The following DSG4 variants were observed in gnomAD, a reference collection of about 807,000 sequenced individuals.
The protein encoded by DSG4 is desmoglein-4.
DSG4 carries 87 observed loss-of-function variants against 93.1 expected under a neutral mutation model. The observed-to-expected ratio is 0.93, with a 90% confidence interval of 0.79 to 1.12. The LOEUF (loss-of-function observed/expected upper bound fraction) is 1.12, where lower values mean the gene tolerates loss of function less well. Among genes scored for constraint, DSG4 ranks in the 50% most tolerant of loss-of-function variants. DSG4 has a pLI of 0.00. For missense variants in DSG4, 1,373 were observed against 1,285.7 expected, an observed-to-expected ratio of 1.07 and a Z score of -1.04; for synonymous variants, 432 against 452.9, an observed-to-expected ratio of 0.95 and a Z score of 0.59.
chr18:31,378,975 A>G (rs2072105920), intron 1 of DSG4, among the ~76,000 whole-genome samples: 2 of 152,102 alleles, frequency 1.3e-5, no homozygotes, highest in African/African-American at 2.4e-5. Context: ...CCTCTCAGAG[A>G]CTCACAGGTA....
intron 10 of DSG4, 133 bp downstream of exon 10, chr18:31,401,153 C>A: frequency 3.0e-6 from 2 of 660,418 alleles, no homozygotes; most frequent in Non-Finnish European, 4.7e-6. Flanking sequence ...AAGCCCTAAA[C>A]ACCTTAAATC....
intron 5 of DSG4, among the ~76,000 whole-genome samples, chr18:31,389,684 A>G (rs2072227592): frequency 6.6e-6 from 1 of 152,090 alleles, no homozygotes; most frequent in Non-Finnish European, 1.5e-5. Flanking sequence ...CATGAATATC[A>G]GTTTGTTCCC....
At position 31,389,025 on chromosome 18, in the gene DSG4, A is replaced by T. The variant is rs1268612950; in HGVS notation, c.517+7A>T. ...GAAGAAAATAGTGATGCCAGTAAGT[A>T]GAATGACATTCCTTCTCTACGTCAC... On this transcript the variant is annotated splice_region_variant and intron_variant, in intron 5 of 15. Coordinates refer to ENST00000308128, the MANE Select transcript of DSG4 (RefSeq NM_177986.5). 6.2e-7 allele frequency: 1 copy of T among 1,612,868 alleles called. No homozygotes were observed. The highest frequency in any genetic ancestry group is 2.2e-5 in the East Asian group (1 of 44,836).
chr18:31,377,949 T>C (rs559593356), intron 1 of DSG4, among the ~76,000 whole-genome samples: 1 of 152,290 alleles, frequency 6.6e-6, no homozygotes, highest in East Asian at 1.9e-4. Flanking sequence ...GAACATCAGT[T>C]GTAAGAGACA....
rs1470899309 is a variant in DSG4, at chr18:31,399,456, GA to G, written c.1192del (p.Ile398Ter). On this transcript the variant is annotated frameshift_variant, in exon 9 of 16. Transcript: ENST00000308128. LOFTEE classifies it high-confidence loss of function. ...ACTATGGCTTTTAGTGTGCGGGAAG[GA>G]ATAAAAGGAAGTTCCTTATTGAATT... ...PSTMAFSVRE[G>X]IKGSSLLNYV... 1 of 1,613,904 alleles carries G rather than the reference GA, an allele frequency of 6.2e-7. No individual in the cohort carries two copies. Among genetic ancestry groups the G allele is most frequent in the Non-Finnish European group, 8.5e-7 (1 of 1,179,974 alleles).
chr18:31,378,197 CTT>C (rs922772073), intron 1 of DSG4, among the ~76,000 whole-genome samples: 20 of 152,250 alleles, frequency 1.3e-4, no homozygotes, highest in African/African-American at 4.8e-4. Context: ...TATTTTTAAA[CTT>C]AAAAACATAA....
chr18:31,391,921 G>C (rs2072254207), intron 7 of DSG4, among the ~76,000 whole-genome samples: 1 of 151,930 alleles, frequency 6.6e-6, no homozygotes. Flanking sequence ...AAATAAAAGA[G>C]AAAGGAACAA....
Position 31,387,552 on chromosome 18 carries a change from T to C in DSG4, c.216+733T>C, listed in dbSNP as rs572998182. ...AAATTATTATTTCCATTCAACTCAG[T>C]AATTGCTTTATGTTATTCCACTTAT... is the stretch of plus-strand genomic sequence containing the variant. On this transcript the variant is annotated intron_variant, in intron 3 of 15. Coordinates refer to ENST00000308128, the MANE Select transcript of DSG4 (RefSeq NM_177986.5). Among the ~76,000 whole-genome samples, 40 of 152,320 alleles carry C rather than the reference T, an allele frequency of 2.6e-4. No homozygotes were observed. The South Asian group carries it at 8.1e-3, about 31-fold the overall frequency.
At position 31,411,436 on chromosome 18, in the gene DSG4, C is replaced by G. The variant is rs577411285; in HGVS notation, c.2343C>G (p.Ser781Arg). The change falls in exon 15 of 16, where the codon AGC becomes AGG. Residue 781 changes from serine (S) to arginine (R), a missense_variant. Ser to Arg is a moderately radical substitution (Grantham distance 110). Coordinates refer to ENST00000308128, the MANE Select transcript of DSG4 (RefSeq NM_177986.5). The part of the protein sequence containing the change: ...DADINMAFLD[S>R]YFSEKAYAYA... ...ACATCAACATGGCTTTCTTGGACAG[C>G]TACTTCTCGGAGGTAATGCCCTCAC... The G allele has an allele frequency of 1.4e-5, 22 of 1,613,894 alleles. No individual in the cohort carries two copies. In the South Asian group the frequency reaches 2.4e-4, roughly 18 times the overall value.
intron 11 of DSG4, among the ~76,000 whole-genome samples, 175 bp from the exon 12 acceptor site, chr18:31,405,902 T>TAAG (rs1195507147): frequency 2.0e-5 from 3 of 151,316 alleles, no homozygotes; most frequent in African/African-American, 7.3e-5. Context: ...ACAAGAATAA[T>TAAG]AATAATAATA....
intron 5 of DSG4, 31 bp downstream of exon 5, chr18:31,389,049 A>C: frequency 6.2e-7 from 1 of 1,609,908 alleles, no homozygotes; most frequent in Non-Finnish European, 8.5e-7. Context: ...TCTCTACGTC[A>C]CAGCATATCT....
At position 31,388,269 on chromosome 18, in the gene DSG4, C is replaced by T. The variant is rs150084716; in HGVS notation, c.217-98C>T. ...CATGGTGTCAGGTTTCAATCCAAAG[C>T]CCATTTGGTAAAGAAACCCACTCCC... On this transcript the variant is annotated intron_variant, in intron 3 of 15. Coordinates refer to ENST00000308128, the MANE Select transcript of DSG4 (RefSeq NM_177986.5). The T allele has an allele frequency of 6.0e-4, 830 of 1,382,094 alleles. 7 individuals are homozygous for T. In the African/African-American group the frequency reaches 0.011, roughly 18 times the overall value. 85.6% of individuals were successfully genotyped at this position (1,382,094 alleles called of 1,614,324 possible).
At position 31,403,572 on chromosome 18, in the gene DSG4, C is replaced by T. The variant is rs1168255565; in HGVS notation, c.1574C>T (p.Thr525Ile). 5 of 1,613,910 alleles carry T rather than the reference C, an allele frequency of 3.1e-6. No homozygotes were observed. In the African/African-American group the frequency reaches 4.0e-5, roughly 13 times the overall value. The change falls in exon 11 of 16, where the codon ACT becomes ATT. Residue 525 changes from threonine to isoleucine, a missense_variant. Transcript: ENST00000308128. ...VNEHSYGSPF[T>I]FCVVDEPPGI... ...GAACATTCTTATGGGTCTCCGTTTACTTTCTGTGTTGTTGATGAGCCACCA... is the reference window on the plus strand; with the variant it reads ...GAACATTCTTATGGGTCTCCGTTTATTTTCTGTGTTGTTGATGAGCCACCA...
chr18:31,400,734 A>C, intron 9 of DSG4, 147 bp from the exon 10 acceptor site: 1 of 725,952 alleles, frequency 1.4e-6, no homozygotes, highest in Non-Finnish European at 2.2e-6. Flanking sequence ...TTTTATTGAT[A>C]TATATGTACT....
In DSG4 at chr18:31,413,185, A is replaced by G; in HGVS notation, c.2713A>G (p.Ile905Val). 1 of 1,614,138 alleles carries G rather than the reference A, an allele frequency of 6.2e-7. No homozygotes were observed. Among genetic ancestry groups the G allele is most frequent in the Non-Finnish European group, 8.5e-7 (1 of 1,180,026 alleles). The change falls in exon 16 of 16, where the codon ATT becomes GTT. Residue 905 changes from isoleucine to valine, a missense_variant. By Grantham distance (29) the Ile-to-Val change is conservative. Transcript: ENST00000308128. Reference sequence around the variant, plus strand: ...ATCTGAACCCGTGGTCCATGGGGATATTATTGTGACTGAGACTTACGGTAA... The same window carrying G: ...ATCTGAACCCGTGGTCCATGGGGATGTTATTGTGACTGAGACTTACGGTAA... ...AASEPVVHGD[I>V]IVTETYGNAD...
rs1239112830 is a variant in DSG4 at position 31,413,248 on chromosome 18, G to T, written c.2776G>T (p.Asp926Tyr). 1 of 1,614,130 alleles carries T rather than the reference G, an allele frequency of 6.2e-7. No homozygotes were observed. The highest frequency in any genetic ancestry group is 8.5e-7 in the Non-Finnish European group (1 of 1,180,030). Residue 926 changes from aspartate to tyrosine, a missense_variant, in exon 16 of 16, where the codon GAT (aspartate) becomes TAT (tyrosine). Transcript: ENST00000308128. ...PCVQPTTIIFDPQLAPNVVVT... is the reference protein window; with the variant it reads ...PCVQPTTIIFYPQLAPNVVVT... ...TGTGCAACCCACTACAATTATTTTT[G>T]ATCCTCAGCTTGCACCCAATGTTGT...
chr18:31,378,070 G>A (rs1475311485), intron 1 of DSG4, among the ~76,000 whole-genome samples: 4 of 152,158 alleles, frequency 2.6e-5, no homozygotes, highest in African/African-American at 4.8e-5. Context: ...TGCGGGAGCC[G>A]AACACTGCCA....
intron 15 of DSG4, 43 bp from the exon 16 acceptor site, chr18:31,412,784 AG>A: frequency 6.2e-7 from 1 of 1,607,184 alleles, no homozygotes; most frequent in East Asian, 2.2e-5. Context: ...TCCTTATTTT[AG>A]GGAAAAAGAA....
Position 31,390,764 on chromosome 18 carries a change from T to C in DSG4, c.626T>C (p.Phe209Ser). Residue 209 changes from phenylalanine to serine, a missense_variant, in exon 6 of 16, where the codon TTC (phenylalanine) becomes TCC (serine). Physicochemically the swap from Phe to Ser is radical, Grantham distance 155. Coordinates refer to ENST00000308128, the MANE Select transcript of DSG4 (RefSeq NM_177986.5). ...CAGGAGCCATCAGGTGCACCCATGT[T>C]CATTCTGAATAGGTACACTGGAGAA... ...VSQEPSGAPM[F>S]ILNRYTGEVC... is the part of the protein sequence containing the mutation. The C allele has an allele frequency of 6.2e-7, 1 of 1,613,824 alleles. No individual in the cohort carries two copies. The highest frequency in any genetic ancestry group is 8.5e-7 in the Non-Finnish European group (1 of 1,179,792).
Sources: allele counts gnomAD v4.1 joint callset (sites outside exome capture counted in the v4.1 genomes callset), GRCh38; gene constraint gnomAD v4.1.1; transcripts MANE v1.5; gene names NCBI Gene and HGNC (gene_info 2026-07-23, HGNC 2026-07-21).